Variants in NIT1 observed in about 807,000 individuals in gnomAD.
NIT1 encodes the protein deaminated glutathione amidase.
Under a neutral mutation model 36.8 loss-of-function variants are expected in NIT1, and 30 were observed. That is an observed-to-expected ratio of 0.82 (90% CI 0.61 to 1.11). The LOEUF (loss-of-function observed/expected upper bound fraction) is 1.11, where lower values mean the gene tolerates loss of function less well. NIT1 is among the 50% of genes least tolerant of loss of function. The pLI is 0.00. For missense variants in NIT1, 438 were observed against 410.6 expected, an observed-to-expected ratio of 1.07 and a Z score of -0.58; for synonymous variants, 151 against 155.6, an observed-to-expected ratio of 0.97 and a Z score of 0.22.
Position 161,119,962 on chromosome 1 carries a change from G to C in NIT1, c.591+10G>C. 6.2e-7 allele frequency: 1 copy of C among 1,606,274 alleles called. No individual in the cohort carries two copies. Among genetic ancestry groups the C allele is most frequent in the Non-Finnish European group, 8.5e-7 (1 of 1,176,320 alleles). On this transcript the variant is annotated intron_variant, in intron 5 of 6. Coordinates refer to ENST00000368009, the MANE Select transcript of NIT1 (RefSeq NM_005600.3). ...CACACCAGCAGGCAAGGTAGGAGTT[G>C]TGAAAGGATGAGGGAGGGGAACAGG...
At chr1:161,124,300 C>T (rs1655912138), downstream of NIT1, 1 of 1,614,102 alleles carries the variant, frequency 6.2e-7, no homozygotes, top group Non-Finnish European at 8.5e-7. Flanking sequence ...CGCTCGTGGT[C>T]ATCAATGACA....
intron 5 of NIT1, 37 bp from the exon 6 acceptor site, chr1:161,120,070 G>A: frequency 2.5e-6 from 4 of 1,613,784 alleles, no homozygotes; most frequent in Non-Finnish European, 3.4e-6. Flanking sequence ...GACAAACAGA[G>A]CAGGAAGACT....
rs778532462 is a variant in NIT1 at position 161,119,790 on chromosome 1, G to A, written c.458-29G>A. On this transcript the variant is annotated intron_variant, in intron 4 of 6. Transcript: ENST00000368009. ...AGTAAGCAAGGCTTCTAGAACACCA[G>A]CACTGATATTCCTTCTTTCTTACTG... 1.9e-6 allele frequency: 3 copies of A among 1,582,352 alleles called. No homozygotes were observed. In the African/African-American group the frequency reaches 4.1e-5, roughly 21 times the overall value.
At chr1:161,122,640 G>A (rs944139672), downstream of NIT1, 7 of 1,282,442 alleles carry the variant, frequency 5.5e-6, no homozygotes, top group African/African-American at 1.5e-5. The surrounding 1 kb of genome is among the most constrained non-coding windows in gnomAD (Gnocchi z 4.2). Context: ...TCACCTGACA[G>A]CTTCTCTACC....
chr1:161,122,162 C>T (rs200345540), downstream of NIT1: 28 of 1,613,344 alleles, frequency 1.7e-5, no homozygotes, highest in East Asian at 4.2e-4. The surrounding 1 kb of genome is among the most constrained non-coding windows in gnomAD (Gnocchi z 4.2). Flanking sequence ...GCAATGCTTG[C>T]AGCATCAAGT....
At position 161,121,142 on chromosome 1, in the gene NIT1, A is replaced by C; in HGVS notation, c.*377A>C. On this transcript the variant is annotated 3_prime_UTR_variant, in exon 7 of 7. Coordinates refer to ENST00000368009, the MANE Select transcript of NIT1 (RefSeq NM_005600.3). ...CAGCTGGACTAAGCTCCAGTTCTAG[A>C]CCTCCTGGCTCATTCAACATGCCTC... The C allele has an allele frequency of 1.9e-6, 2 of 1,075,068 alleles. No individual in the cohort carries two copies. The allele number at this position is 1,075,068 out of a possible 1,614,324, so 66.6% of individuals were successfully genotyped here.
chr1:161,119,505 C>G lies in NIT1; in HGVS notation c.354-4C>G. 3 of 1,613,932 alleles carry G rather than the reference C, an allele frequency of 1.9e-6. No individual in the cohort carries two copies. Among genetic ancestry groups the G allele is most frequent in the Non-Finnish European group, 1.7e-6 (2 of 1,179,810 alleles). On this transcript the variant is annotated splice_polypyrimidine_tract_variant and splice_region_variant and intron_variant, in intron 3 of 6. Transcript: ENST00000368009. Reference sequence around the variant, plus strand: ...GAAGAGTTGTCAGTGTCCCTTCCCCCCAGGGAATGTGGACTCTGGCTGTCC... The same window carrying G: ...GAAGAGTTGTCAGTGTCCCTTCCCCGCAGGGAATGTGGACTCTGGCTGTCC...
chr1:161,119,278 G>T lies in NIT1; in HGVS notation c.243G>T (p.Leu81=), dbSNP rs1160724940. ...VREAARLGAC[L]AFLPEAFDFI... ...AGGCTGCCAGACTGGGTGCCTGCCT[G>T]GCTTTCCTGCCTGAGGCATTTGACT... The change falls in exon 3 of 7, where the codon CTG becomes CTT. Residue 81 remains leucine (L), a synonymous_variant. Transcript: ENST00000368009. The T allele has an allele frequency of 2.5e-6, 4 of 1,614,166 alleles. No individual in the cohort carries two copies. The highest frequency in any genetic ancestry group is 2.2e-5 in the East Asian group (1 of 44,886).
downstream of NIT1, chr1:161,122,024 T>TTAA: frequency 9.4e-7 from 1 of 1,068,150 alleles, no homozygotes; most frequent in Non-Finnish European, 1.3e-6. This position sits in a 1 kb window ranked among gnomAD's most constrained non-coding sequence, Gnocchi z 4.2. Flanking sequence ...TCTTTTTCTT[T>TTAA]AAAAAAAAAA....
intron 1 of NIT1, chr1:161,118,440 G>A: frequency 6.5e-7 from 1 of 1,536,050 alleles, no homozygotes; most frequent in Non-Finnish European, 8.7e-7. Context: ...AGTCAGTAAA[G>A]CTGCGCAAGT....
chr1:161,119,660 C>CTAAACT (rs111473243), intron 4 of NIT1, 48 bp downstream of exon 4: 589,404 of 1,584,584 alleles, frequency 0.37, 110,864 homozygotes, highest in East Asian at 0.47. Context: ...GCTCTTCTAC[C>CTAAACT]TAGATTCTCC....
downstream of NIT1, chr1:161,121,432 C>T (rs1655477920): frequency 1.3e-5 from 2 of 154,094 alleles, no homozygotes; most frequent in African/African-American, 4.8e-5. Flanking sequence ...AACCTCTTCT[C>T]CATCCACCCT....
downstream of NIT1, chr1:161,121,901 G>T (rs547550296): frequency 1.8e-5 from 9 of 490,730 alleles, no homozygotes; most frequent in Non-Finnish European, 2.2e-5. Flanking sequence ...ACGGCTCAGT[G>T]GTAAGGTAGC....
At chr1:161,120,321 C>T in intron 6 of NIT1, 89 bp downstream of exon 6, 3 of 1,521,130 alleles carry the variant, frequency 2.0e-6, no homozygotes, top group Middle Eastern at 2.1e-4. Flanking sequence ...TTCCCCTTTC[C>T]ACCTAATGGG....
In NIT1 at chr1:161,120,778, G is replaced by T; in HGVS notation, c.*13G>T. 1 of 1,610,228 alleles carries T rather than the reference G, an allele frequency of 6.2e-7. No individual in the cohort carries two copies. On this transcript the variant is annotated 3_prime_UTR_variant, in exon 7 of 7. Coordinates refer to ENST00000368009, the MANE Select transcript of NIT1 (RefSeq NM_005600.3). ...CCCACTGTCTTAAGACTTGACTTCT[G>T]TGAGTTTAGACCTGCCCCTCCCACC... is the stretch of plus-strand genomic sequence containing the variant.
rs1655451277 is a variant in NIT1, at chr1:161,121,185, G to C, written c.*420G>C. 3.9e-6 allele frequency: 4 copies of C among 1,038,714 alleles called. No individual in the cohort carries two copies. The highest frequency in any genetic ancestry group is 4.6e-6 in the Non-Finnish European group (4 of 860,968). The allele number at this position is 1,038,714 out of a possible 1,614,324, so 64.3% of individuals were successfully genotyped here. On this transcript the variant is annotated 3_prime_UTR_variant, in exon 7 of 7. Transcript: ENST00000368009. ...CATGCCTCCCTACCTAAATAAAAGT[G>C]CAACACTCAGTGCATGTCCCAGCCC...
chr1:161,118,123 G>A lies in NIT1; in HGVS notation c.-54G>A. 2.5e-6 allele frequency: 4 copies of A among 1,613,730 alleles called. 1 individual carries two copies. The highest frequency in any genetic ancestry group is 2.2e-5 in the South Asian group (2 of 91,084). ...ACCGCCCACTCGCTGCGGCGCTTCT[G>A]GCTCCAGACCGCCCTCCGGATCGGA... On this transcript the variant is annotated 5_prime_UTR_variant, in exon 1 of 7. Coordinates refer to ENST00000368009, the MANE Select transcript of NIT1 (RefSeq NM_005600.3).
At chr1:161,124,547 C>T, downstream of NIT1, 2 of 1,522,414 alleles carry the variant, frequency 1.3e-6, no homozygotes, top group Non-Finnish European at 1.8e-6. Context: ...AGGGAAAGAA[C>T]CGATGAGACA....
At chr1:161,122,708 C>T (rs934948003), downstream of NIT1, among the ~76,000 whole-genome samples, 5 of 152,200 alleles carry the variant, frequency 3.3e-5, 1 homozygote, top group African/African-American at 9.7e-5. This position sits in a 1 kb window ranked among gnomAD's most constrained non-coding sequence, Gnocchi z 4.2. Flanking sequence ...GCAGGAGGTT[C>T]CCTTAAACGG....
Sources: gnomAD v4.1 joint callset for allele counts (sites outside exome capture counted in the v4.1 genomes callset) on GRCh38, gnomAD v4.1.1 for gene constraint, Gnocchi (gnomAD v3.1) non-coding constraint, MANE v1.5 for transcripts, NCBI Gene and HGNC (gene_info 2026-07-23, HGNC 2026-07-21) for gene names.